The following LOX variants were observed in gnomAD, a reference collection of about 807,000 sequenced individuals.
LOX encodes lysyl oxidase, also known as protein-lysine 6-oxidase.
Under a neutral mutation model 50.5 loss-of-function variants are expected in LOX, and 12 were observed. That is an observed-to-expected ratio of 0.24 (90% confidence interval 0.15 to 0.38). The LOEUF is 0.38. LOX is among the 10% of genes least tolerant of loss of function. The pLI, the probability that LOX is intolerant of heterozygous loss-of-function variation, is 1.00. For missense variants in LOX, 504 were observed against 563.8 expected, an observed-to-expected ratio of 0.89 and a Z score of 1.07; for synonymous variants, 254 against 230.6, an observed-to-expected ratio of 1.10 and a Z score of -0.92.
chr5:122,066,870 CA>C, intron 6 of LOX, 121 bp from the exon 7 acceptor site: 1 of 661,322 alleles, frequency 1.5e-6, no homozygotes, highest in Non-Finnish European at 2.8e-6. Flanking sequence ...TCCACCTAAG[CA>C]GCAATCATGT....
chr5:122,077,918 G>GGGGCGCA lies in LOX; in HGVS notation c.61_67dup (p.Pro23LeufsTer113). The GGGGCGCA allele has an allele frequency of 6.6e-7, 1 of 1,517,692 alleles. No individual in the cohort carries two copies. 94.0% of individuals were successfully genotyped at this position (1,517,692 alleles called of 1,614,324 possible). On this transcript the variant is annotated frameshift_variant, in exon 1 of 7. Coordinates refer to ENST00000231004, the MANE Select transcript of LOX (RefSeq NM_002317.7). LOFTEE classifies it high-confidence loss of function. The surrounding 1 kb of genome is among the most constrained non-coding windows in gnomAD (Gnocchi z 4.9). ...GGGCTGCTGTTGGCCGGCGGCGGGA[G>GGGGCGCA]GGGCGCAGTGCACTAGCGCGCAGAG...
intron 6 of LOX, among the ~76,000 whole-genome samples, chr5:122,067,460 A>G (rs1203693179): frequency 6.6e-6 from 1 of 152,132 alleles, no homozygotes; most frequent in Non-Finnish European, 1.5e-5. Context: ...ACACATCAAC[A>G]GAATGCTCTT....
At position 122,077,743 on chromosome 5, in the gene LOX, G is replaced by A. The variant is rs891932826; in HGVS notation, c.243C>T (p.Asn81=). The A allele has an allele frequency of 1.9e-6, 3 of 1,568,448 alleles. No individual in the cohort carries two copies. The highest frequency in any genetic ancestry group is 1.1e-5 in the South Asian group (1 of 87,104). Residue 81 remains asparagine, a synonymous_variant, in exon 1 of 7, where the codon AAC becomes AAT. Coordinates refer to ENST00000231004, the MANE Select transcript of LOX (RefSeq NM_002317.7). The surrounding 1 kb of genome is among the most constrained non-coding windows in gnomAD (Gnocchi z 4.9). ...GAGTGCGGGGCTGCTGGGCGGAGGC[G>A]TTGGCTGCACCAGGGACGGCGGCGC... ...DPGAAVPGAA[N]ASAQQPRTPI...
Position 122,064,175 on chromosome 5 carries a change from T to C in LOX, c.*2568A>G, listed in dbSNP as rs545536824. On this transcript the variant is annotated 3_prime_UTR_variant, in exon 7 of 7. Transcript: ENST00000231004. ...TCAGTACTCAACATTCTTTTTATCA[T>C]TGCCAGTTCCTATTTTTTAAAATGT... The C allele has an allele frequency of 1.3e-5, 2 of 152,152 alleles. No homozygotes were observed. The highest frequency in any genetic ancestry group is 4.1e-4 in the South Asian group (2 of 4,834). The allele number at this position is 152,152 out of a possible 1,614,324, so 9.4% of individuals were successfully genotyped here. A position where few individuals can be genotyped will look rare whatever the true frequency, so the allele number is the denominator to read the frequency against.
At chr5:122,074,903 T>C (rs1349745900) in intron 3 of LOX, among the ~76,000 whole-genome samples, 2 of 152,184 alleles carry the variant, frequency 1.3e-5, no homozygotes, top group Admixed American at 1.3e-4. Context: ...AATTACCTTA[T>C]GCAAAAATCC....
chr5:122,064,899 C>A lies in LOX; in HGVS notation c.*1844G>T, dbSNP rs1754257468. On this transcript the variant is annotated 3_prime_UTR_variant, in exon 7 of 7. Coordinates refer to ENST00000231004, the MANE Select transcript of LOX (RefSeq NM_002317.7). Reference sequence around the variant, plus strand: ...CTTAAGAATCAATAAAATGATAGATCTGAAATCTGTAGATGCCAGTCTGGC... The same window carrying A: ...CTTAAGAATCAATAAAATGATAGATATGAAATCTGTAGATGCCAGTCTGGC... 2.0e-5 allele frequency: 3 copies of A among 152,016 alleles called. No homozygotes were observed. The allele number at this position is 152,016 out of a possible 1,614,324, so 9.4% of individuals were successfully genotyped here. A position where few individuals can be genotyped will look rare whatever the true frequency, so the allele number is the denominator to read the frequency against.
chr5:122,063,462 A>G lies in LOX; in HGVS notation c.*3281T>C, dbSNP rs972930826. The G allele has an allele frequency of 6.6e-6, 1 of 151,930 alleles. No individual in the cohort carries two copies. Among genetic ancestry groups the G allele is most frequent in the African/African-American group, 2.4e-5 (1 of 41,424 alleles). 9.4% of individuals were successfully genotyped at this position (151,930 alleles called of 1,614,324 possible). On this transcript the variant is annotated 3_prime_UTR_variant, in exon 7 of 7. Coordinates refer to ENST00000231004, the MANE Select transcript of LOX (RefSeq NM_002317.7). ...TTTTATATTAATTAAATGTTTATAT[A>G]CCACAAGCTAAGATTTAATGCATTT...
intron 3 of LOX, among the ~76,000 whole-genome samples, chr5:122,074,745 C>A (rs1372515289): frequency 6.6e-6 from 1 of 152,086 alleles, no homozygotes; most frequent in Non-Finnish European, 1.5e-5. Context: ...TTTGTTATTT[C>A]ATTAAATGGA....
chr5:122,066,759 GA>G lies in LOX; in HGVS notation c.1248-11del. 1 of 1,572,558 alleles carries G rather than the reference GA, an allele frequency of 6.4e-7. No individual in the cohort carries two copies. The highest frequency in any genetic ancestry group is 8.7e-7 in the Non-Finnish European group (1 of 1,143,078). The stretch of plus-strand genomic sequence containing the variant: ...CTTTGCCTTCTAATACCTAGATTAA[GA>G]AGACAAAATAAGACAAATTATTAAC... On this transcript the variant is annotated splice_polypyrimidine_tract_variant and intron_variant, in intron 6 of 6. Coordinates refer to ENST00000231004, the MANE Select transcript of LOX (RefSeq NM_002317.7).
rs778036202 is a variant in LOX, at chr5:122,070,474, A to T, written c.1131+20T>A. 1.2e-5 allele frequency: 16 copies of T among 1,345,240 alleles called. No individual in the cohort carries two copies. The East Asian group carries it at 3.0e-4, about 25-fold the overall frequency. 83.3% of individuals were successfully genotyped at this position (1,345,240 alleles called of 1,614,324 possible). On this transcript the variant is annotated intron_variant, in intron 5 of 6. Transcript: ENST00000231004. Reference sequence around the variant, plus strand: ...TTGATCTGCAATATCAATATATGATATATTTTCAAAGGTCTTTACCTTTAG... The same window carrying T: ...TTGATCTGCAATATCAATATATGATTTATTTTCAAAGGTCTTTACCTTTAG...
chr5:122,067,968 G>T, intron 6 of LOX, among the ~76,000 whole-genome samples: 1 of 151,986 alleles, frequency 6.6e-6, no homozygotes, highest in East Asian at 1.9e-4. Context: ...CAAAATGTAA[G>T]AAGCAAGTAT....
At position 122,070,378 on chromosome 5, in the gene LOX, A is replaced by G. The variant is rs934036753; in HGVS notation, c.1131+116T>C. 20 of 658,418 alleles carry G rather than the reference A, an allele frequency of 3.0e-5. No homozygotes were observed. In the African/African-American group the frequency reaches 3.7e-4, roughly 12 times the overall value. The allele number at this position is 658,418 out of a possible 1,614,324, so 40.8% of individuals were successfully genotyped here. A position where few individuals can be genotyped will look rare whatever the true frequency, so the allele number is the denominator to read the frequency against. The stretch of plus-strand genomic sequence containing the variant: ...TTAGATTAGATTAGATTGTTTATAA[A>G]TAGTTTGAGGATGTATAATTGCTTC... On this transcript the variant is annotated intron_variant, in intron 5 of 6. Transcript: ENST00000231004.
chr5:122,067,206 CTG>C (rs1754324317), intron 6 of LOX, among the ~76,000 whole-genome samples: 1 of 152,022 alleles, frequency 6.6e-6, no homozygotes. Flanking sequence ...TCAAATATTA[CTG>C]TCTTTAAATG....
Position 122,074,000 on chromosome 5 carries a change from G to A in LOX, c.1035+13C>T. 1.2e-6 allele frequency: 2 copies of A among 1,602,558 alleles called. No individual in the cohort carries two copies. The highest frequency in any genetic ancestry group is 1.7e-6 in the Non-Finnish European group (2 of 1,170,896). ...TGAGGCTTGAGGTTCTGGATTTCAGGGTGCCAACATACCTGTGTGTGTGCA... is the reference window on the plus strand; with the variant it reads ...TGAGGCTTGAGGTTCTGGATTTCAGAGTGCCAACATACCTGTGTGTGTGCA... On this transcript the variant is annotated intron_variant, in intron 4 of 6. Transcript: ENST00000231004.
At chr5:122,076,856 G>A (rs990545050) in intron 2 of LOX, 37 bp downstream of exon 2, 4 of 1,585,330 alleles carry the variant, frequency 2.5e-6, no homozygotes, top group Non-Finnish European at 3.5e-6. Flanking sequence ...CCTGAAGGTA[G>A]ACCGGGGAGC....
At chr5:122,067,868 T>C (rs994603365) in intron 6 of LOX, among the ~76,000 whole-genome samples, 4 of 152,012 alleles carry the variant, frequency 2.6e-5, no homozygotes, top group Non-Finnish European at 4.4e-5. Flanking sequence ...AATTCAAATG[T>C]ATCCTAAAGT....
rs1240869807 is a variant in LOX, at chr5:122,064,633, T to C, written c.*2110A>G. ...GCTTAAAATTGAAATTTCATAGACATGTAATTTTATTCCCTAAAAATGAAA... is the reference window on the plus strand; with the variant it reads ...GCTTAAAATTGAAATTTCATAGACACGTAATTTTATTCCCTAAAAATGAAA... On this transcript the variant is annotated 3_prime_UTR_variant, in exon 7 of 7. Coordinates refer to ENST00000231004, the MANE Select transcript of LOX (RefSeq NM_002317.7). The C allele has an allele frequency of 6.6e-6, 1 of 151,984 alleles. No homozygotes were observed. Among genetic ancestry groups the C allele is most frequent in the Admixed American group, 6.6e-5 (1 of 15,216 alleles). The allele number at this position is 151,984 out of a possible 1,614,324, so 9.4% of individuals were successfully genotyped here.
At position 122,077,893 on chromosome 5, in the gene LOX, G is replaced by A; in HGVS notation, c.93C>T (p.Pro31=). ...CAPPAAGQQQ[P]PREPPAAPGA... ...CCGGAGCCGCCGGCGGCTCGCGCGG[G>A]GGCTGCTGTTGGCCGGCGGCGGGAG... is the stretch of plus-strand genomic sequence containing the variant. The change falls in exon 1 of 7, where the codon CCC becomes CCT. Residue 31 remains proline, a synonymous_variant. Transcript: ENST00000231004. This position sits in a 1 kb window ranked among gnomAD's most constrained non-coding sequence, Gnocchi z 4.9. 1 of 1,528,728 alleles carries A rather than the reference G, an allele frequency of 6.5e-7. No individual in the cohort carries two copies. Among genetic ancestry groups the A allele is most frequent in the South Asian group, 1.3e-5 (1 of 79,710 alleles). The allele number at this position is 1,528,728 out of a possible 1,614,324, so 94.7% of individuals were successfully genotyped here. A position where few individuals can be genotyped will look rare whatever the true frequency, so the allele number is the denominator to read the frequency against.
chr5:122,077,568 A>G lies in LOX; in HGVS notation c.418T>C (p.Ser140Pro), dbSNP rs1754674990. 1.9e-6 allele frequency: 3 copies of G among 1,612,830 alleles called. No homozygotes were observed. The highest frequency in any genetic ancestry group is 1.3e-5 in the African/African-American group (1 of 74,910). Residue 140 changes from serine (S) to proline (P), a missense_variant, in exon 1 of 7, where the codon TCG (serine) becomes CCG (proline). Transcript: ENST00000231004. This position sits in a 1 kb window ranked among gnomAD's most constrained non-coding sequence, Gnocchi z 4.9. The stretch of plus-strand genomic sequence containing the variant: ...GGCGCTGTCTGGTTCTCCGCGCGCG[A>G]GGCGCCAGCTTCGCGGGCTCTAGAT... ...STSRAREAGA[S>P]RAENQTAPGE... is the part of the protein sequence containing the mutation.
Sources: allele counts gnomAD v4.1 joint callset (sites outside exome capture counted in the v4.1 genomes callset), GRCh38; gene constraint gnomAD v4.1.1; non-coding constraint Gnocchi (gnomAD v3.1); transcripts MANE v1.5; gene names NCBI Gene and HGNC (gene_info 2026-07-23, HGNC 2026-07-21).